LRRTM4: variants seen among roughly 807,000 people sequenced by gnomAD.
The protein encoded by LRRTM4 is leucine rich repeat transmembrane neuronal 4.
In LRRTM4, 25 loss-of-function variants were observed where a neutral mutation model predicts 47.6. The ratio of observed to expected loss-of-function variants is 0.53; its 90% confidence interval spans 0.38 to 0.73. The LOEUF (loss-of-function observed/expected upper bound fraction) is 0.73. Ranked by LOEUF, LRRTM4 falls within the 30% of genes least tolerant of loss-of-function variation. The probability of loss-of-function intolerance (pLI) is 0.00; values close to 1 mark genes in which losing one functional copy is unlikely to be tolerated. For synonymous variants in LRRTM4, 311 were observed against 269.5 expected (o/e 1.15, Z -1.51); for missense variants, 638 against 713.4 (o/e 0.89, Z 1.20).
chr2:77,478,658 A>C (rs1677530101), intron 3 of LRRTM4, among the ~76,000 whole-genome samples: 1 of 152,178 alleles, frequency 6.6e-6, no homozygotes, highest in Non-Finnish European at 1.5e-5. Flanking sequence ...CATTGAAAAC[A>C]ATCTGGGTTT....
intron 3 of LRRTM4, among the ~76,000 whole-genome samples, chr2:77,221,852 A>G (rs9752745): frequency 0.69 from 103,974 of 150,982 alleles, 36,461 homozygotes; most frequent in African/African-American, 0.84. Flanking sequence ...TGCACCAAGC[A>G]GACCTAATAG....
chr2:77,320,767 A>AG (rs1456811457), intron 3 of LRRTM4, among the ~76,000 whole-genome samples: 1 of 152,080 alleles, frequency 6.6e-6, no homozygotes, highest in Non-Finnish European at 1.5e-5. Flanking sequence ...AAATACACAG[A>AG]GAAAAAAATG....
chr2:76,905,611 C>A (rs113590367), intron 3 of LRRTM4, among the ~76,000 whole-genome samples: 4 of 147,382 alleles, frequency 2.7e-5, no homozygotes, highest in East Asian at 4.1e-4. Context: ...AAAATTTAGA[C>A]GAATGTATAA....
chr2:76,934,668 C>T lies in LRRTM4; in HGVS notation c.1552-185752G>A, dbSNP rs556627017. Among the ~76,000 whole-genome samples, 39 of 152,262 alleles carry T rather than the reference C, an allele frequency of 2.6e-4. 1 individual carries two copies. Among genetic ancestry groups the T allele is most frequent in the African/African-American group, 8.9e-4 (37 of 41,554 alleles). On this transcript the variant is annotated intron_variant, in intron 3 of 3. Coordinates refer to ENST00000409884, the MANE Select transcript of LRRTM4 (RefSeq NM_001134745.3). ...GAACATGGAGCTGGGAAGATATGTGCAGAATCAGGTTTCATAAACTGGCAT... is the reference window on the plus strand; with the variant it reads ...GAACATGGAGCTGGGAAGATATGTGTAGAATCAGGTTTCATAAACTGGCAT...
chr2:77,330,092 T>C (rs1044222354), intron 3 of LRRTM4, among the ~76,000 whole-genome samples: 1 of 152,146 alleles, frequency 6.6e-6, no homozygotes, highest in African/African-American at 2.4e-5. Context: ...ACACTTGATT[T>C]GGCTGGAACC....
chr2:77,172,487 C>G (rs1263265031), intron 3 of LRRTM4, among the ~76,000 whole-genome samples: 1 of 151,920 alleles, frequency 6.6e-6, no homozygotes, highest in Non-Finnish European at 1.5e-5. Flanking sequence ...TCAGCTACTC[C>G]GGAGGCTGAG....
At chr2:77,280,838 A>C (rs1196189787) in intron 3 of LRRTM4, among the ~76,000 whole-genome samples, 1 of 151,996 alleles carries the variant, frequency 6.6e-6, no homozygotes, top group Non-Finnish European at 1.5e-5. Context: ...ACACATTATC[A>C]TCAACTTTTC....
chr2:77,230,925 C>A (rs1367020949), intron 3 of LRRTM4, among the ~76,000 whole-genome samples: 1 of 151,968 alleles, frequency 6.6e-6, no homozygotes, highest in Non-Finnish European at 1.5e-5. Context: ...TGTCATTGTT[C>A]TTCAAAAGAT....
chr2:76,980,561 A>G (rs1676569853), intron 3 of LRRTM4, among the ~76,000 whole-genome samples: 2 of 152,088 alleles, frequency 1.3e-5, no homozygotes, highest in African/African-American at 4.8e-5. Context: ...CTCTCACAGA[A>G]GACAAGTTCT....
chr2:76,902,227 C>G (rs189325233), intron 3 of LRRTM4, among the ~76,000 whole-genome samples: 1 of 152,290 alleles, frequency 6.6e-6, no homozygotes, highest in East Asian at 1.9e-4. Context: ...TTACAGCACT[C>G]TGGCCCTCTG....
intron 3 of LRRTM4, among the ~76,000 whole-genome samples, chr2:76,978,344 G>A (rs1676486539): frequency 6.6e-6 from 1 of 152,014 alleles, no homozygotes; most frequent in African/African-American, 2.4e-5. Context: ...GCACATGCTT[G>A]GCTTAAGTTG....
chr2:77,431,891 T>C lies in LRRTM4; in HGVS notation c.1551+86427A>G, dbSNP rs542069445. ...GAGATCGAGACCATCCTGGCCAACA[T>C]GGGGAAACCCTGTCTCTACTAAAAA... is the stretch of plus-strand genomic sequence containing the variant. On this transcript the variant is annotated intron_variant, in intron 3 of 3. Coordinates refer to ENST00000409884, the MANE Select transcript of LRRTM4 (RefSeq NM_001134745.3). Among the ~76,000 whole-genome samples, 55 of 137,356 alleles carry C rather than the reference T, an allele frequency of 4.0e-4. 5 individuals are homozygous for C. The highest frequency in any genetic ancestry group is 1.9e-3 in the African/African-American group (54 of 27,826). 90.1% of individuals were successfully genotyped at this position (137,356 alleles called of 152,430 possible).
intron 3 of LRRTM4, among the ~76,000 whole-genome samples, chr2:77,031,857 C>T (rs143819197): frequency 4.4e-4 from 67 of 152,214 alleles, no homozygotes; most frequent in African/African-American, 1.4e-3. Context: ...CTACTTGACA[C>T]GTCTTCCTGA....
intron 3 of LRRTM4, among the ~76,000 whole-genome samples, chr2:77,107,617 G>A (rs1042139822): frequency 4.1e-4 from 63 of 152,088 alleles, no homozygotes; most frequent in African/African-American, 1.5e-3. Flanking sequence ...TTGGGAGTTC[G>A]AGACCAGCCT....
At chr2:76,934,334 G>C (rs1456694349) in intron 3 of LRRTM4, among the ~76,000 whole-genome samples, 2 of 152,102 alleles carry the variant, frequency 1.3e-5, no homozygotes, top group African/African-American at 2.4e-5. Context: ...TGTGTTAAAG[G>C]ATGTTAAAAA....
chr2:76,970,217 A>C (rs1676170523), intron 3 of LRRTM4, among the ~76,000 whole-genome samples: 1 of 152,008 alleles, frequency 6.6e-6, no homozygotes, highest in Admixed American at 6.6e-5. Context: ...ACAGGGTAAA[A>C]CGGATAGAAT....
At chr2:77,157,786 T>C (rs2204856) in intron 3 of LRRTM4, among the ~76,000 whole-genome samples, 4,481 of 152,162 alleles carry the variant, frequency 0.029, 162 homozygotes, top group African/African-American at 0.07. Flanking sequence ...AACCTGAGTG[T>C]GATCAGGACT....
chr2:76,888,537 C>A (rs777461687), intron 3 of LRRTM4, among the ~76,000 whole-genome samples: 1 of 151,388 alleles, frequency 6.6e-6, no homozygotes, highest in Non-Finnish European at 1.5e-5. Context: ...AATAAAAATA[C>A]ACTTAAAGCT....
At chr2:76,813,897 A>G (rs1670820803) in intron 3 of LRRTM4, among the ~76,000 whole-genome samples, 1 of 121,888 alleles carries the variant, frequency 8.2e-6, no homozygotes. Flanking sequence ...ACTATGAACC[A>G]ATTTGGCAAT....
Sources: allele counts gnomAD v4.1 joint callset (sites outside exome capture counted in the v4.1 genomes callset), GRCh38; gene constraint gnomAD v4.1.1; transcripts MANE v1.5; gene names NCBI Gene and HGNC (gene_info 2026-07-23, HGNC 2026-07-21).